The following COL5A1 variants were observed in gnomAD, a reference collection of about 807,000 sequenced individuals.
COL5A1 encodes the protein collagen type V alpha 1 chain, also known as collagen alpha-1(V) chain.
A neutral mutation model predicts 263.7 loss-of-function variants in COL5A1; 16 were observed. That is an observed-to-expected ratio of 0.06 (90% CI 0.04 to 0.09). COL5A1 has a LOEUF of 0.09. Ranked by LOEUF, COL5A1 falls within the 10% of genes least tolerant of loss-of-function variation. COL5A1 has a pLI of 1.00. For synonymous variants in COL5A1, 1,012 were observed against 1,004.5 expected, an observed-to-expected ratio of 1.01 and a Z score of -0.14; for missense variants, 2,036 against 2,540.5, an observed-to-expected ratio of 0.80 and a Z score of 4.27.
intron 4 of COL5A1, among the ~76,000 whole-genome samples, chr9:134,715,095 G>A (rs1296365871): frequency 6.6e-6 from 1 of 152,058 alleles, no homozygotes; most frequent in Non-Finnish European, 1.5e-5. Context: ...CAGTCTCTGA[G>A]TTCCCTCAGT....
intron 11 of COL5A1, among the ~76,000 whole-genome samples, chr9:134,748,028 T>TAC (rs373708323): frequency 0.06 from 7,194 of 120,024 alleles, 390 homozygotes; most frequent in African/African-American, 0.11. Flanking sequence ...CATGCATTCA[T>TAC]ACACATGCAG....
rs1042686660 is a variant in COL5A1, at chr9:134,647,613, G to A, written c.109+5317G>A. Among the ~76,000 whole-genome samples the A allele has an allele frequency of 2.6e-5, 4 of 152,160 alleles. No individual in the cohort carries two copies. The highest frequency in any genetic ancestry group is 7.2e-5 in the African/African-American group (3 of 41,434). On this transcript the variant is annotated intron_variant, in intron 1 of 65. Coordinates refer to ENST00000371817, the MANE Select transcript of COL5A1 (RefSeq NM_000093.5). The surrounding 1 kb of genome is among the most constrained non-coding windows in gnomAD (Gnocchi z 5.0). ...GACGTTTCTCTCCTTACCGTGACCC[G>A]GCCCCAGCTGGACGGGAGAGGAGGA...
chr9:134,687,585 C>T (rs1044796873), intron 1 of COL5A1, among the ~76,000 whole-genome samples: 1 of 152,160 alleles, frequency 6.6e-6, no homozygotes, highest in Non-Finnish European at 1.5e-5. Flanking sequence ...ATGAAGCTTT[C>T]GGAGCTGGCC....
chr9:134,750,218 G>A (rs1485097603), intron 11 of COL5A1, among the ~76,000 whole-genome samples: 1 of 152,200 alleles, frequency 6.6e-6, no homozygotes, highest in African/African-American at 2.4e-5. Context: ...GCCTGACACT[G>A]CCTCCTCACC....
intron 31 of COL5A1, among the ~76,000 whole-genome samples, chr9:134,786,786 G>T (rs140453453): frequency 1.3e-5 from 2 of 152,248 alleles, no homozygotes; most frequent in East Asian, 3.9e-4. Context: ...ATAATTAACA[G>T]CCGAAGCGGG....
chr9:134,751,001 A>G, intron 13 of COL5A1, 119 bp downstream of exon 13: 1 of 885,750 alleles, frequency 1.1e-6, no homozygotes, highest in Non-Finnish European at 1.8e-6. Flanking sequence ...TCTTGATCCC[A>G]GAATGCCTGC....
chr9:134,827,926 CGT>C (rs1839357147), intron 63 of COL5A1, among the ~76,000 whole-genome samples: 1 of 152,198 alleles, frequency 6.6e-6, no homozygotes, highest in Non-Finnish European at 1.5e-5. Context: ...CTCTGGGTGG[CGT>C]GAGAGGCAGA....
At chr9:134,746,856 G>T (rs1221346703) in intron 11 of COL5A1, among the ~76,000 whole-genome samples, 1 of 152,382 alleles carries the variant, frequency 6.6e-6, no homozygotes, top group East Asian at 1.9e-4. Flanking sequence ...TGACCTGTGT[G>T]TGGGCCTGCT....
chr9:134,776,788 T>C (rs185347971), intron 27 of COL5A1, among the ~76,000 whole-genome samples: 241 of 152,346 alleles, frequency 1.6e-3, no homozygotes, highest in African/African-American at 5.3e-3. Flanking sequence ...CTCACAGTCC[T>C]GGAGGCTGGG....
At chr9:134,771,517 G>C (rs1836865580) in intron 25 of COL5A1, among the ~76,000 whole-genome samples, 1 of 152,202 alleles carries the variant, frequency 6.6e-6, no homozygotes, top group Non-Finnish European at 1.5e-5. Flanking sequence ...CTTGCTGCTA[G>C]GATAGGCTGT....
intron 24 of COL5A1, 134 bp from the exon 25 acceptor site, chr9:134,768,276 C>T: frequency 3.6e-6 from 3 of 843,910 alleles, no homozygotes; most frequent in Non-Finnish European, 6.2e-6. Context: ...CAGCCAGGGA[C>T]CCAGTGCCTC....
intron 1 of COL5A1, among the ~76,000 whole-genome samples, chr9:134,685,362 ACCATCCATTCAC>A (rs1445889798): frequency 4.4e-5 from 6 of 136,386 alleles, no homozygotes; most frequent in Non-Finnish European, 9.3e-5. Flanking sequence ...CCGTCCATCC[ACCATCCATTCAC>A]CCATCCATTC....
At chr9:134,692,074 T>C (rs1833304569) in intron 2 of COL5A1, among the ~76,000 whole-genome samples, 1 of 152,196 alleles carries the variant, frequency 6.6e-6, no homozygotes, top group Non-Finnish European at 1.5e-5. Flanking sequence ...CTCCTTTACA[T>C]CCATGTGACC....
chr9:134,763,589 G>A, intron 19 of COL5A1, 104 bp from the exon 20 acceptor site: 1 of 1,195,742 alleles, frequency 8.4e-7, no homozygotes, highest in South Asian at 1.2e-5. Context: ...CCTGGCGTAT[G>A]TGAAGCAGCC....
chr9:134,739,017 C>T (rs924009724), intron 11 of COL5A1, among the ~76,000 whole-genome samples: 4 of 152,274 alleles, frequency 2.6e-5, no homozygotes, highest in East Asian at 1.9e-4. Flanking sequence ...TGGGGCCCCT[C>T]GGGGCCCAGG....
At chr9:134,654,860 GGAA>G (rs2132483182) in intron 1 of COL5A1, among the ~76,000 whole-genome samples, 1 of 132,010 alleles carries the variant, frequency 7.6e-6, no homozygotes, top group African/African-American at 2.9e-5. Context: ...GTGTAGGGCT[GGAA>G]GTGTCTAGGG....
chr9:134,827,550 G>A (rs1839338937), intron 63 of COL5A1, among the ~76,000 whole-genome samples: 1 of 152,224 alleles, frequency 6.6e-6, no homozygotes, highest in Non-Finnish European at 1.5e-5. Context: ...CTCTGCAAAT[G>A]GGTGGCCTTG....
chr9:134,657,421 T>C (rs868317677), intron 1 of COL5A1, among the ~76,000 whole-genome samples: 1 of 5,902 alleles, frequency 1.7e-4, no homozygotes, highest in East Asian at 6.4e-3. Flanking sequence ...AATATGGGGG[T>C]GGGGTGGGGG....
rs544814963 is a variant in COL5A1, at chr9:134,676,503, C to A, written c.110-14409C>A. 2.6e-5 allele frequency among the ~76,000 whole-genome samples: 4 copies of A among 152,312 alleles called. No homozygotes were observed. In the East Asian group the frequency reaches 7.7e-4, roughly 29 times the overall value. On this transcript the variant is annotated intron_variant, in intron 1 of 65. Transcript: ENST00000371817. ...TGTGAGCAAGCCTTGGATGTCCTGGCACAGAGCAAGCCTTTCTGTAGGATT... is the reference window on the plus strand; with the variant it reads ...TGTGAGCAAGCCTTGGATGTCCTGGAACAGAGCAAGCCTTTCTGTAGGATT...
Sources: allele counts gnomAD v4.1 joint callset (sites outside exome capture counted in the v4.1 genomes callset), GRCh38; gene constraint gnomAD v4.1.1; non-coding constraint Gnocchi (gnomAD v3.1); transcripts MANE v1.5; gene names NCBI Gene and HGNC (gene_info 2026-07-23, HGNC 2026-07-21).